The following LRRC4C variants were observed in gnomAD, a reference collection of about 807,000 sequenced individuals.
LRRC4C encodes leucine rich repeat containing 4C.
In LRRC4C, 5 loss-of-function variants were observed where a neutral mutation model predicts 33.6. That is an observed-to-expected ratio of 0.15 (90% CI 0.08 to 0.31). The LOEUF (loss-of-function observed/expected upper bound fraction) is 0.31, where lower values mean the gene tolerates loss of function less well. Among genes scored for constraint, LRRC4C ranks in the 10% least tolerant of loss-of-function variants. LRRC4C has a pLI of 1.00. For synonymous variants in LRRC4C, 329 were observed against 302.0 expected, an observed-to-expected ratio of 1.09 and a Z score of -0.93; for missense variants, 560 against 796.7, an observed-to-expected ratio of 0.70 and a Z score of 3.58.
chr11:40,279,103 T>G (rs1263013428), intron 4 of LRRC4C, among the ~76,000 whole-genome samples: 2 of 152,174 alleles, frequency 1.3e-5, no homozygotes, highest in African/African-American at 4.8e-5. Context: ...CCTGTGACAT[T>G]GGGAACATCT....
chr11:40,798,937 C>A (rs1167485562), intron 2 of LRRC4C, among the ~76,000 whole-genome samples: 2 of 152,128 alleles, frequency 1.3e-5, no homozygotes, highest in Middle Eastern at 3.2e-3. Flanking sequence ...AGCCACCATG[C>A]TCTGCTGTAT....
chr11:41,459,256 A>G (rs1264183277), intron 1 of LRRC4C, among the ~76,000 whole-genome samples, 175 bp downstream of exon 1: 1 of 152,170 alleles, frequency 6.6e-6, no homozygotes, highest in Non-Finnish European at 1.5e-5. Context: ...ATACAAATGG[A>G]AATAACCTCC....
intron 3 of LRRC4C, among the ~76,000 whole-genome samples, chr11:40,479,449 C>T (rs543411310): frequency 2.8e-4 from 42 of 152,084 alleles, no homozygotes; most frequent in Admixed American, 2.4e-3. Flanking sequence ...AGTAAATGCA[C>T]CGACAATTAC....
At chr11:41,157,651 C>A (rs1039326370) in intron 1 of LRRC4C, among the ~76,000 whole-genome samples, 47 of 152,206 alleles carry the variant, frequency 3.1e-4, no homozygotes, top group African/African-American at 1.1e-3. Flanking sequence ...GTGAAATAAT[C>A]ATCTCAACAG....
chr11:40,768,450 A>C (rs570189049), intron 2 of LRRC4C, among the ~76,000 whole-genome samples: 12 of 152,132 alleles, frequency 7.9e-5, no homozygotes, highest in Non-Finnish European at 1.8e-4. Flanking sequence ...AGGAACACCT[A>C]CAAACTCATT....
intron 1 of LRRC4C, among the ~76,000 whole-genome samples, chr11:41,384,844 T>A (rs892996333): frequency 1.1e-4 from 16 of 149,286 alleles, no homozygotes; most frequent in Middle Eastern, 3.4e-3. Flanking sequence ...AATGATTTAG[T>A]ATACTGTGTC....
chr11:40,523,589 TA>T (rs1590996161), intron 3 of LRRC4C, among the ~76,000 whole-genome samples: 1 of 148,414 alleles, frequency 6.7e-6, no homozygotes, highest in Non-Finnish European at 1.5e-5. Flanking sequence ...GATTTATATA[TA>T]ATATGTAATC....
chr11:40,157,035 C>A (rs1268207169), intron 5 of LRRC4C, among the ~76,000 whole-genome samples: 1 of 152,052 alleles, frequency 6.6e-6, no homozygotes, highest in African/African-American at 2.4e-5. Context: ...CCATAGTCAC[C>A]AAAACAGAGT....
intron 1 of LRRC4C, among the ~76,000 whole-genome samples, chr11:41,187,871 C>T (rs1490836858): frequency 2.0e-5 from 3 of 152,214 alleles, no homozygotes; most frequent in Non-Finnish European, 4.4e-5. Flanking sequence ...AGCCACATAC[C>T]AATTACACAT....
intron 1 of LRRC4C, among the ~76,000 whole-genome samples, chr11:41,038,821 C>T (rs1205577717): frequency 6.6e-6 from 1 of 152,068 alleles, no homozygotes; most frequent in African/African-American, 2.4e-5. Flanking sequence ...ACATACTAAC[C>T]CCAAATATGG....
chr11:40,725,258 G>A (rs1947232139), intron 2 of LRRC4C, among the ~76,000 whole-genome samples: 1 of 152,174 alleles, frequency 6.6e-6, no homozygotes. Context: ...TGTAATCCCA[G>A]CATTCTGGGA....
intron 1 of LRRC4C, among the ~76,000 whole-genome samples, chr11:41,117,853 C>A (rs1215557906): frequency 1.3e-5 from 2 of 152,078 alleles, no homozygotes; most frequent in Non-Finnish European, 2.9e-5. Context: ...CACTTATGAG[C>A]AGAGTGCAAG....
At chr11:40,583,544 G>A (rs1484519109) in intron 3 of LRRC4C, among the ~76,000 whole-genome samples, 1 of 152,050 alleles carries the variant, frequency 6.6e-6, no homozygotes, top group Non-Finnish European at 1.5e-5. Flanking sequence ...TACCTTGCCT[G>A]TCTTAGTATT....
At chr11:40,373,077 A>G (rs891308168) in intron 3 of LRRC4C, among the ~76,000 whole-genome samples, 1 of 152,196 alleles carries the variant, frequency 6.6e-6, no homozygotes, top group African/African-American at 2.4e-5. Flanking sequence ...ATAAAAGAAA[A>G]TATTCTTTAA....
intron 3 of LRRC4C, among the ~76,000 whole-genome samples, chr11:40,480,103 C>G (rs545556502): frequency 9.9e-5 from 15 of 152,178 alleles, no homozygotes; most frequent in Admixed American, 3.9e-4. Context: ...GAAAGCCACC[C>G]TCCATAAAAC....
At chr11:41,176,967 TAAAACAAAACAAAACAAAAC>T (rs138933488) in intron 1 of LRRC4C, among the ~76,000 whole-genome samples, 97,769 of 147,604 alleles carry the variant, frequency 0.66, 33,821 homozygotes, top group Non-Finnish European at 0.77. Flanking sequence ...TCCATCTCTA[TAAAACAAAACAAAACAAAAC>T]AAAACAAAAC....
chr11:40,155,301 T>C (rs999090124), intron 5 of LRRC4C, among the ~76,000 whole-genome samples: 1 of 150,232 alleles, frequency 6.7e-6, no homozygotes, highest in African/African-American at 2.5e-5. Context: ...CTCAAGAAAC[T>C]AGAAAAAGAA....
At chr11:40,298,781 G>A (rs1422040819) in intron 4 of LRRC4C, among the ~76,000 whole-genome samples, 1 of 152,120 alleles carries the variant, frequency 6.6e-6, no homozygotes, top group African/African-American at 2.4e-5. Flanking sequence ...GGCAGAAGGG[G>A]AAGAAGCATG....
intron 1 of LRRC4C, among the ~76,000 whole-genome samples, chr11:41,196,310 G>T (rs1008247838): frequency 1.3e-5 from 2 of 152,050 alleles, no homozygotes; most frequent in African/African-American, 2.4e-5. Flanking sequence ...AAAAGCAGTT[G>T]TTACTAATCA....
Sources: gnomAD v4.1 joint callset for allele counts (sites outside exome capture counted in the v4.1 genomes callset) on GRCh38, gnomAD v4.1.1 for gene constraint, MANE v1.5 for transcripts, NCBI Gene and HGNC (gene_info 2026-07-23, HGNC 2026-07-21) for gene names.